KCNK13: variants seen among roughly 807,000 people sequenced by gnomAD.
KCNK13 encodes the protein potassium channel subfamily K member 13.
In KCNK13, 12 loss-of-function variants were observed where a neutral mutation model predicts 23.4. The observed-to-expected ratio is 0.51, with a 90% CI of 0.33 to 0.83. The LOEUF (loss-of-function observed/expected upper bound fraction) is 0.83, where lower values mean the gene tolerates loss of function less well. KCNK13 is among the 40% of genes least tolerant of loss of function. KCNK13 has a pLI of 0.02. For missense variants in KCNK13, 463 were observed against 556.3 expected (o/e 0.83, Z 1.69); for synonymous variants, 231 against 229.5 (o/e 1.01, Z -0.06).
chr14:90,154,376 C>A (rs528484659), intron 1 of KCNK13, among the ~76,000 whole-genome samples: 3 of 150,778 alleles, frequency 2.0e-5, no homozygotes, highest in South Asian at 4.2e-4. Context: ...ACACACAATA[C>A]CTGCTCTCCT....
At chr14:90,143,973 C>T (rs61237085) in intron 1 of KCNK13, among the ~76,000 whole-genome samples, 9,893 of 152,234 alleles carry the variant, frequency 0.065, 417 homozygotes, top group South Asian at 0.21. Flanking sequence ...AGGACTTGGA[C>T]GGAGGCTTCT....
chr14:90,166,119 C>T (rs1890299753), intron 1 of KCNK13, among the ~76,000 whole-genome samples: 1 of 152,126 alleles, frequency 6.6e-6, no homozygotes, highest in African/African-American at 2.4e-5. Flanking sequence ...TAGAAACATC[C>T]CCATAGTTCA....
At chr14:90,111,530 G>A (rs904870935) in intron 1 of KCNK13, among the ~76,000 whole-genome samples, 3 of 152,066 alleles carry the variant, frequency 2.0e-5, no homozygotes, top group African/African-American at 7.2e-5. Context: ...ATTGATTCTA[G>A]TCTGGCAGTG....
chr14:90,096,399 T>C (rs1339412473), intron 1 of KCNK13, among the ~76,000 whole-genome samples: 1 of 152,212 alleles, frequency 6.6e-6, no homozygotes, highest in Non-Finnish European at 1.5e-5. Flanking sequence ...TTAAGAGTTA[T>C]ACATCAGGAA....
chr14:90,092,178 T>A (rs936871077), intron 1 of KCNK13, among the ~76,000 whole-genome samples: 35 of 152,166 alleles, frequency 2.3e-4, no homozygotes, highest in African/African-American at 7.2e-4. Flanking sequence ...CGCCTTGGCC[T>A]CCCAAATTGC....
intron 1 of KCNK13, among the ~76,000 whole-genome samples, chr14:90,130,738 C>T (rs546046320): frequency 5.3e-5 from 8 of 152,170 alleles, no homozygotes; most frequent in South Asian, 4.2e-4. Flanking sequence ...CACTTGAACC[C>T]GGGAAACAGA....
chr14:90,100,622 CA>C (rs1470022203), intron 1 of KCNK13, among the ~76,000 whole-genome samples: 1 of 152,176 alleles, frequency 6.6e-6, no homozygotes, highest in Non-Finnish European at 1.5e-5. Context: ...CCATGTGAAA[CA>C]GAGGAATGAC....
chr14:90,139,010 T>A (rs1336700805), intron 1 of KCNK13, among the ~76,000 whole-genome samples: 2 of 151,926 alleles, frequency 1.3e-5, no homozygotes, highest in African/African-American at 2.4e-5. Flanking sequence ...AGGCACAAAG[T>A]GTTTTGTTCC....
intron 1 of KCNK13, among the ~76,000 whole-genome samples, chr14:90,111,552 T>C (rs780329416): frequency 6.6e-6 from 1 of 152,060 alleles, no homozygotes; most frequent in Non-Finnish European, 1.5e-5. Context: ...GAGAGGACAG[T>C]ATGGAAGACA....
chr14:90,143,304 C>T (rs931990190), intron 1 of KCNK13, among the ~76,000 whole-genome samples: 4 of 150,950 alleles, frequency 2.6e-5, no homozygotes, highest in African/African-American at 9.8e-5. Context: ...GCCTCCTGGG[C>T]TCATGCCATC....
At chr14:90,087,589 T>A (rs1356953394) in intron 1 of KCNK13, among the ~76,000 whole-genome samples, 2 of 152,150 alleles carry the variant, frequency 1.3e-5, no homozygotes, top group Admixed American at 1.3e-4. Flanking sequence ...TTGTAGTTGT[T>A]TGAAAACGGA....
In KCNK13 at chr14:90,184,628, A is replaced by G; in HGVS notation, c.852A>G (p.Lys284=). 6.2e-7 allele frequency: 1 copy of G among 1,614,204 alleles called. No individual in the cohort carries two copies. Among genetic ancestry groups the G allele is most frequent in the Non-Finnish European group, 8.5e-7 (1 of 1,180,034 alleles). Residue 284 remains lysine, a synonymous_variant, in exon 2 of 2, where the codon AAA becomes AAG. Coordinates refer to ENST00000282146, the MANE Select transcript of KCNK13 (RefSeq NM_022054.4). This position sits in a 1 kb window ranked among gnomAD's most constrained non-coding sequence, Gnocchi z 5.6. The stretch of plus-strand genomic sequence containing the variant: ...TCAATGTCATCTCTATCCTCATCAA[A>G]CAGTCCTTGAACTGGATCCTGAGGA... ...SLFNVISILI[K]QSLNWILRKM... is the part of the protein sequence containing the mutation.
intron 1 of KCNK13, among the ~76,000 whole-genome samples, chr14:90,175,906 G>A (rs1890417077): frequency 6.6e-6 from 1 of 152,130 alleles, no homozygotes; most frequent in South Asian, 2.1e-4. Context: ...CAGCTGAGTG[G>A]TCACCCTTCT....
At chr14:90,116,212 C>G (rs1402013841) in intron 1 of KCNK13, among the ~76,000 whole-genome samples, 1 of 152,134 alleles carries the variant, frequency 6.6e-6, no homozygotes, top group Non-Finnish European at 1.5e-5. Context: ...TAAGAACACT[C>G]AAAGGAGTCC....
intron 1 of KCNK13, among the ~76,000 whole-genome samples, chr14:90,106,895 G>A (rs946298713): frequency 2.0e-5 from 3 of 151,702 alleles, no homozygotes; most frequent in Middle Eastern, 3.2e-3. Context: ...AGTGGTGCAC[G>A]CCTAGTCCAA....
intron 1 of KCNK13, among the ~76,000 whole-genome samples, chr14:90,073,967 G>T (rs529434406): frequency 6.6e-6 from 1 of 150,790 alleles, no homozygotes; most frequent in East Asian, 2.0e-4. Context: ...GAGCCACTGC[G>T]CCCGACCAAG....
chr14:90,163,090 G>A (rs1890267899), intron 1 of KCNK13, among the ~76,000 whole-genome samples: 1 of 152,186 alleles, frequency 6.6e-6, no homozygotes, highest in African/African-American at 2.4e-5. Flanking sequence ...TACAGTTTAA[G>A]GAAGCTGAGA....
chr14:90,106,626 C>G (rs754314213), intron 1 of KCNK13, among the ~76,000 whole-genome samples: 1 of 151,820 alleles, frequency 6.6e-6, no homozygotes, highest in African/African-American at 2.4e-5. Flanking sequence ...TATTTATTAT[C>G]CTGAAATGAA....
intron 1 of KCNK13, among the ~76,000 whole-genome samples, chr14:90,165,590 A>G (rs1890293795): frequency 6.6e-6 from 1 of 152,188 alleles, no homozygotes; most frequent in South Asian, 2.1e-4. Flanking sequence ...TACTTAATTG[A>G]ACCATTTCTT....
Sources: gnomAD v4.1 joint callset for allele counts (sites outside exome capture counted in the v4.1 genomes callset) on GRCh38, gnomAD v4.1.1 for gene constraint, Gnocchi (gnomAD v3.1) non-coding constraint, MANE v1.5 for transcripts, NCBI Gene and HGNC (gene_info 2026-07-23, HGNC 2026-07-21) for gene names.